PTPRN2: variants seen among roughly 807,000 people sequenced by gnomAD.
The protein encoded by PTPRN2 is receptor-type tyrosine-protein phosphatase N2.
PTPRN2 carries 74 observed loss-of-function variants against 118.8 expected under a neutral mutation model. That is an observed-to-expected ratio of 0.62 (90% CI 0.52 to 0.76). PTPRN2 has a LOEUF of 0.76. Among genes scored for constraint, PTPRN2 ranks in the 30% least tolerant of loss-of-function variants. The pLI is 0.00. For synonymous variants in PTPRN2, 641 were observed against 608.0 expected (o/e 1.05, Z -0.80); for missense variants, 1,481 against 1,394.4 (o/e 1.06, Z -0.99).
intron 3 of PTPRN2, among the ~76,000 whole-genome samples, chr7:158,210,425 C>A (rs941862738): frequency 1.3e-5 from 2 of 151,876 alleles, no homozygotes; most frequent in African/African-American, 4.8e-5. Flanking sequence ...ACTAGAAAAG[C>A]AAGAGCAAAC....
At chr7:157,581,533 C>T (rs912083154) in intron 17 of PTPRN2, among the ~76,000 whole-genome samples, 10 of 152,200 alleles carry the variant, frequency 6.6e-5, no homozygotes, top group Admixed American at 2.6e-4. Context: ...CATCTCGACG[C>T]GCCCGGCAGG....
intron 2 of PTPRN2, among the ~76,000 whole-genome samples, chr7:158,469,605 G>A (rs565081250): frequency 1.3e-5 from 2 of 152,164 alleles, no homozygotes; most frequent in African/African-American, 2.4e-5. Context: ...CAGCTCCACC[G>A]AGCACTCGCT....
At chr7:158,035,146 G>A (rs148930360) in intron 11 of PTPRN2, among the ~76,000 whole-genome samples, 153 of 152,294 alleles carry the variant, frequency 1.0e-3, no homozygotes, top group Non-Finnish European at 1.5e-3. Context: ...TACACGCATC[G>A]TCACGATAGT....
intron 2 of PTPRN2, among the ~76,000 whole-genome samples, chr7:158,384,026 G>T (rs946017727): frequency 6.6e-6 from 1 of 152,160 alleles, no homozygotes; most frequent in African/African-American, 2.4e-5. Context: ...CATTTTCAGG[G>T]ACAGAACTTT....
chr7:158,367,913 G>A (rs958817214), intron 2 of PTPRN2, among the ~76,000 whole-genome samples: 2 of 152,136 alleles, frequency 1.3e-5, no homozygotes, highest in Non-Finnish European at 2.9e-5. Flanking sequence ...TTTGGGAATG[G>A]CTCATCTGCT....
intron 12 of PTPRN2, among the ~76,000 whole-genome samples, chr7:157,851,604 C>T (rs1056827448): frequency 6.6e-6 from 1 of 151,848 alleles, no homozygotes; most frequent in South Asian, 2.1e-4. Context: ...GGCCAGGGCA[C>T]ACCCGCCAAG....
intron 1 of PTPRN2, 64 bp downstream of exon 1, chr7:158,587,494 G>T: frequency 1.0e-6 from 1 of 984,468 alleles, no homozygotes; most frequent in Non-Finnish European, 1.2e-6. Flanking sequence ...TCACGGAGGC[G>T]CCCCTCTCAC....
At chr7:157,745,801 A>G (rs1157787699) in intron 12 of PTPRN2, among the ~76,000 whole-genome samples, 1 of 152,178 alleles carries the variant, frequency 6.6e-6, no homozygotes, top group Non-Finnish European at 1.5e-5. Flanking sequence ...GGCAGTCGGT[A>G]AATGAAACCT....
intron 3 of PTPRN2, among the ~76,000 whole-genome samples, chr7:158,261,115 G>A (rs907150989): frequency 2.6e-5 from 4 of 152,266 alleles, no homozygotes; most frequent in African/African-American, 7.2e-5. Context: ...CTGTGTCAGC[G>A]TCAGCAACAG....
At chr7:157,834,600 C>T (rs925062529) in intron 12 of PTPRN2, among the ~76,000 whole-genome samples, 4 of 152,276 alleles carry the variant, frequency 2.6e-5, no homozygotes, top group Admixed American at 6.5e-5. Flanking sequence ...GGGCACCCAG[C>T]GCAGCTGCGC....
At chr7:157,604,445 G>C (rs1801883972) in intron 15 of PTPRN2, among the ~76,000 whole-genome samples, 1 of 152,208 alleles carries the variant, frequency 6.6e-6, no homozygotes, top group African/African-American at 2.4e-5. Context: ...AGATATCCTG[G>C]TGTTTTCCCC....
At chr7:157,644,905 C>T (rs150041277) in intron 14 of PTPRN2, among the ~76,000 whole-genome samples, 7 of 152,336 alleles carry the variant, frequency 4.6e-5, no homozygotes, top group South Asian at 2.1e-4. Context: ...GGGAACCACA[C>T]GGGCCCGAGC....
In PTPRN2 at chr7:157,939,727, T is replaced by C. The variant is rs986235510; in HGVS notation, c.1724-40990A>G. Reference sequence around the variant, plus strand: ...TCCCTCTGGCATATCTTACAACCTGTGTTAATACCAGGGCTTTTAAGATGT... The same window carrying C: ...TCCCTCTGGCATATCTTACAACCTGCGTTAATACCAGGGCTTTTAAGATGT... On this transcript the variant is annotated intron_variant, in intron 11 of 22. Transcript: ENST00000389418. Among the ~76,000 whole-genome samples the C allele has an allele frequency of 3.3e-5, 5 of 152,202 alleles. No individual in the cohort carries two copies. The South Asian group carries it at 1.0e-3, about 32-fold the overall frequency.
chr7:157,836,433 G>A (rs142732974), intron 12 of PTPRN2, among the ~76,000 whole-genome samples: 64 of 152,260 alleles, frequency 4.2e-4, no homozygotes, highest in African/African-American at 1.3e-3. Context: ...TATGCCCAAG[G>A]ATATTAATTG....
rs74303870 is a variant in PTPRN2 at position 158,505,752 on chromosome 7, G to A, written c.113-15967C>T. 2.8e-3 allele frequency among the ~76,000 whole-genome samples: 421 copies of A among 152,084 alleles called. 8 individuals carry two copies. The East Asian group carries it at 0.033, about 12-fold the overall frequency. On this transcript the variant is annotated intron_variant, in intron 1 of 22. Coordinates refer to ENST00000389418, the MANE Select transcript of PTPRN2 (RefSeq NM_002847.5). The stretch of plus-strand genomic sequence containing the variant: ...GGGGGGTGGGGTGACCTGAGCACGC[G>A]CCTCACTCCTGGAACCCTGATTCTT...
At chr7:157,670,799 C>A (rs1370126615) in intron 13 of PTPRN2, among the ~76,000 whole-genome samples, 3 of 152,228 alleles carry the variant, frequency 2.0e-5, no homozygotes, top group African/African-American at 7.2e-5. Context: ...ACAGGCTGAA[C>A]CTTGCTTTTC....
intron 12 of PTPRN2, among the ~76,000 whole-genome samples, chr7:157,786,735 G>A (rs950385424): frequency 2.4e-4 from 37 of 152,368 alleles, no homozygotes; most frequent in Middle Eastern, 3.4e-3. Context: ...ATGTGGCAGC[G>A]GTAACATTTA....
Position 157,796,725 on chromosome 7 carries a change from T to C in PTPRN2, c.1788+101948A>G, listed in dbSNP as rs535119912. Among the ~76,000 whole-genome samples the C allele has an allele frequency of 3.3e-5, 5 of 151,988 alleles. 1 individual carries two copies. The highest frequency in any genetic ancestry group is 1.2e-4 in the African/African-American group (5 of 41,426). ...GGCCTCAGGGAGCTTCCAGTCACGG[T>C]GGAAGGCGAAAGGGAAGCAATCTCG... On this transcript the variant is annotated intron_variant, in intron 12 of 22. Coordinates refer to ENST00000389418, the MANE Select transcript of PTPRN2 (RefSeq NM_002847.5).
At chr7:158,112,492 C>T (rs576881438) in intron 9 of PTPRN2, among the ~76,000 whole-genome samples, 10 of 152,282 alleles carry the variant, frequency 6.6e-5, no homozygotes, top group East Asian at 3.9e-4. Flanking sequence ...CTGGCCACCA[C>T]GGCTGTCCGG....
Sources: allele counts gnomAD v4.1 joint callset (sites outside exome capture counted in the v4.1 genomes callset), GRCh38; gene constraint gnomAD v4.1.1; transcripts MANE v1.5; gene names NCBI Gene and HGNC (gene_info 2026-07-23, HGNC 2026-07-21).